Variants in ALKBH3 observed in about 807,000 individuals in gnomAD.
The protein encoded by ALKBH3 is alpha-ketoglutarate-dependent dioxygenase alkB homolog 3.
ALKBH3 carries 51 observed loss-of-function variants against 43.9 expected under a neutral mutation model. The observed-to-expected ratio is 1.16, with a 90% confidence interval of 0.93 to 1.47. The LOEUF is 1.47. ALKBH3 is among the 40% of genes most tolerant of loss of function. The pLI, the probability that ALKBH3 is intolerant of heterozygous loss-of-function variation, is 0.00. For missense variants in ALKBH3, 361 were observed against 351.9 expected, an observed-to-expected ratio of 1.03 and a Z score of -0.21; for synonymous variants, 102 against 115.2, an observed-to-expected ratio of 0.89 and a Z score of 0.73.
chr11:43,897,800 G>T, intron 7 of ALKBH3: 1 of 830,860 alleles, frequency 1.2e-6, no homozygotes, highest in Non-Finnish European at 2.2e-6. Context: ...ATGAAGATTG[G>T]ACCCGTTTTG....
intron 7 of ALKBH3, chr11:43,899,105 T>C (rs1951841577): frequency 1.3e-6 from 1 of 764,096 alleles, no homozygotes; most frequent in Non-Finnish European, 2.4e-6. Flanking sequence ...AAGGGGACAT[T>C]GTCTTTAACA....
At chr11:43,909,194 G>A (rs1951918443) in intron 8 of ALKBH3, 1 of 152,184 alleles carries the variant, frequency 6.6e-6, no homozygotes, top group Admixed American at 6.5e-5. Flanking sequence ...TTCAGAAACA[G>A]CTTCTGTTTT....
chr11:43,887,252 T>C (rs578014949), intron 5 of ALKBH3, among the ~76,000 whole-genome samples: 1 of 152,348 alleles, frequency 6.6e-6, no homozygotes, highest in East Asian at 1.9e-4. Context: ...CTGTCAGATA[T>C]AGTAGCTGCT....
chr11:43,896,909 C>T (rs1951822902), intron 7 of ALKBH3, among the ~76,000 whole-genome samples: 1 of 152,108 alleles, frequency 6.6e-6, no homozygotes, highest in Admixed American at 6.6e-5. Context: ...GTAGGCTGGA[C>T]CAATGGCTTT....
intron 7 of ALKBH3, chr11:43,899,616 A>G (rs1951846446): frequency 1.9e-6 from 1 of 514,872 alleles, no homozygotes; most frequent in African/African-American, 2.0e-5. Context: ...CTCCTCGGAC[A>G]GCCAGCTCCA....
At chr11:43,889,700 T>C (rs753112183) in intron 5 of ALKBH3, 25 bp from the exon 6 acceptor site, 2 of 1,600,718 alleles carry the variant, frequency 1.2e-6, no homozygotes, top group Non-Finnish European at 1.7e-6. Flanking sequence ...TGTTTTTTGG[T>C]TAACAATGTT....
At chr11:43,903,450 G>A (rs1160413556) in intron 8 of ALKBH3, among the ~76,000 whole-genome samples, 1 of 152,174 alleles carries the variant, frequency 6.6e-6, no homozygotes, top group African/African-American at 2.4e-5. Flanking sequence ...TTCTCAAGCC[G>A]GATGTATGGA....
intron 8 of ALKBH3, among the ~76,000 whole-genome samples, chr11:43,908,417 C>T (rs964789720): frequency 5.3e-5 from 8 of 152,220 alleles, no homozygotes; most frequent in African/African-American, 1.9e-4. Context: ...GAGGCTTGCA[C>T]TTCTGCTAGT....
chr11:43,882,445 T>G (rs567320276), intron 1 of ALKBH3, 138 bp from the exon 2 acceptor site: 3 of 443,004 alleles, frequency 6.8e-6, no homozygotes, highest in African/African-American at 6.1e-5. Flanking sequence ...TTGAATGAAA[T>G]GTTGTGATGA....
intron 7 of ALKBH3, among the ~76,000 whole-genome samples, chr11:43,901,113 G>A (rs1257777430): frequency 6.6e-6 from 1 of 152,198 alleles, no homozygotes; most frequent in Non-Finnish European, 1.5e-5. Context: ...GTCTGGGTCT[G>A]CTGACTACCT....
chr11:43,901,120 A>G (rs1215545231), intron 7 of ALKBH3, among the ~76,000 whole-genome samples: 1 of 152,188 alleles, frequency 6.6e-6, no homozygotes, highest in East Asian at 1.9e-4. Flanking sequence ...TCTGCTGACT[A>G]CCTAGTGACA....
chr11:43,886,343 T>G (rs1031454476), intron 4 of ALKBH3, among the ~76,000 whole-genome samples: 1 of 152,286 alleles, frequency 6.6e-6, no homozygotes, highest in South Asian at 2.1e-4. Context: ...CAATTATGGG[T>G]AAAATATAAA....
Position 43,898,164 on chromosome 11 carries a change from G to C in ALKBH3, c.460-3352G>C, listed in dbSNP as rs992221042. 3 of 1,233,138 alleles carry C rather than the reference G, an allele frequency of 2.4e-6. No individual in the cohort carries two copies. In the African/African-American group the frequency reaches 4.4e-5, roughly 18 times the overall value. The allele number at this position is 1,233,138 out of a possible 1,614,324, so 76.4% of individuals were successfully genotyped here. Reference sequence around the variant, plus strand: ...ACAAACTAGATGCTGACTACATCAAGAGATACCTGGGCGATTTGACTCCGC... The same window carrying C: ...ACAAACTAGATGCTGACTACATCAACAGATACCTGGGCGATTTGACTCCGC... On this transcript the variant is annotated intron_variant, in intron 7 of 9. Coordinates refer to ENST00000302708, the MANE Select transcript of ALKBH3 (RefSeq NM_139178.4).
intron 7 of ALKBH3, chr11:43,898,675 T>A (rs576268992): frequency 4.2e-6 from 3 of 718,374 alleles, no homozygotes; most frequent in East Asian, 5.0e-5. Flanking sequence ...AGTGCTGCGG[T>A]GGATCATCGA....
chr11:43,919,605 G>A, intron 9 of ALKBH3: 1 of 323,218 alleles, frequency 3.1e-6, no homozygotes, highest in Non-Finnish European at 5.7e-6. Flanking sequence ...GGAATCTCAT[G>A]CCTCTCTTTG....
intron 8 of ALKBH3, among the ~76,000 whole-genome samples, chr11:43,911,302 A>G (rs932836233): frequency 6.6e-6 from 1 of 152,150 alleles, no homozygotes; most frequent in Non-Finnish European, 1.5e-5. Context: ...AATATGTTAG[A>G]TGTGGGGGTA....
chr11:43,909,026 G>A (rs1035900128), intron 8 of ALKBH3, among the ~76,000 whole-genome samples: 4 of 152,096 alleles, frequency 2.6e-5, no homozygotes, highest in South Asian at 2.1e-4. Context: ...CATTTGCCTC[G>A]CCAGAACCTT....
intron 8 of ALKBH3, among the ~76,000 whole-genome samples, chr11:43,918,414 T>A (rs1359681977): frequency 6.6e-6 from 1 of 152,240 alleles, no homozygotes; most frequent in Admixed American, 6.5e-5. Context: ...CAGCACTGTT[T>A]TGGTCAAGCC....
At chr11:43,882,810 T>A in intron 2 of ALKBH3, 79 bp downstream of exon 2, 1 of 1,400,732 alleles carries the variant, frequency 7.1e-7, no homozygotes, top group South Asian at 1.4e-5. Context: ...TTTTGGTTTA[T>A]AATGGACTTC....
Sources: allele counts gnomAD v4.1 joint callset (sites outside exome capture counted in the v4.1 genomes callset), GRCh38; gene constraint gnomAD v4.1.1; transcripts MANE v1.5; gene names NCBI Gene and HGNC (gene_info 2026-07-23, HGNC 2026-07-21).